Variants in DRG1 observed in about 807,000 individuals in gnomAD.
DRG1 encodes the protein developmentally-regulated GTP-binding protein 1.
Under a neutral mutation model 38.8 loss-of-function variants are expected in DRG1, and 19 were observed. That is an observed-to-expected ratio of 0.49 (90% CI 0.34 to 0.72). DRG1 has a LOEUF of 0.72. Among genes scored for constraint, DRG1 ranks in the 30% least tolerant of loss-of-function variants. The probability of loss-of-function intolerance (pLI) is 0.01; values close to 1 mark genes in which losing one functional copy is unlikely to be tolerated. For missense variants in DRG1, 299 were observed against 444.8 expected, an observed-to-expected ratio of 0.67 and a Z score of 2.95; for synonymous variants, 167 against 157.5, an observed-to-expected ratio of 1.06 and a Z score of -0.45.
chr22:31,407,406 G>T lies in DRG1; in HGVS notation c.343-3606G>T, dbSNP rs1008613111. ...ATGCAGTGGCACGGGTACGATCATG[G>T]CTCACTGCAGCCTCGACCTCCTGGG... is the stretch of plus-strand genomic sequence containing the variant. On this transcript the variant is annotated intron_variant, in intron 3 of 8. Coordinates refer to ENST00000331457, the MANE Select transcript of DRG1 (RefSeq NM_004147.4). Among the ~76,000 whole-genome samples the T allele has an allele frequency of 3.9e-5, 6 of 152,120 alleles. No individual in the cohort carries two copies. In the East Asian group the frequency reaches 1.2e-3, roughly 29 times the overall value.
At chr22:31,406,493 G>A (rs2145859559) in intron 3 of DRG1, among the ~76,000 whole-genome samples, 1 of 151,290 alleles carries the variant, frequency 6.6e-6, no homozygotes, top group East Asian at 1.9e-4. Flanking sequence ...AACTTTTTGA[G>A]CTTGGCCAAC....
chr22:31,414,870 C>T (rs2050035926), intron 4 of DRG1, among the ~76,000 whole-genome samples: 1 of 151,400 alleles, frequency 6.6e-6, no homozygotes, highest in African/African-American at 2.4e-5. Flanking sequence ...GCCTCAATTT[C>T]CTGGGATCAG....
rs189206841 is a variant in DRG1 at position 31,423,274 on chromosome 22, T to C, written c.583-6T>C. ...TGCTGACTAGTCATCTGCTATTCCC[T>C]TTCAGTGCCCCCAGAGTGAGCTGGA... On this transcript the variant is annotated splice_region_variant and splice_polypyrimidine_tract_variant and intron_variant, in intron 5 of 8. Transcript: ENST00000331457. 337 of 1,613,820 alleles carry C rather than the reference T, an allele frequency of 2.1e-4. 1 individual carries two copies. The African/African-American group carries it at 3.7e-3, about 18-fold the overall frequency.
At chr22:31,431,555 C>T (rs111902389) in intron 8 of DRG1, among the ~76,000 whole-genome samples, 160 of 152,178 alleles carry the variant, frequency 1.1e-3, no homozygotes, top group Non-Finnish European at 1.5e-3. Flanking sequence ...GTCCCAGCTA[C>T]TCAGGAGGCA....
At chr22:31,430,308 CCTCA>C (rs1426238862) in intron 8 of DRG1, among the ~76,000 whole-genome samples, 1 of 152,144 alleles carries the variant, frequency 6.6e-6, no homozygotes, top group Non-Finnish European at 1.5e-5. Context: ...TCTTATCCTT[CCTCA>C]CTATCCATCA....
intron 2 of DRG1, among the ~76,000 whole-genome samples, chr22:31,400,954 A>G (rs1053819738): frequency 6.6e-6 from 1 of 151,574 alleles, no homozygotes; most frequent in Non-Finnish European, 1.5e-5. Flanking sequence ...AAAAAAAAAA[A>G]AAAGTTTTTT....
At chr22:31,402,053 GAAAA>G (rs549638659) in intron 2 of DRG1, among the ~76,000 whole-genome samples, 1 of 148,834 alleles carries the variant, frequency 6.7e-6, no homozygotes, top group African/African-American at 2.5e-5. Context: ...TCTGTCTCAA[GAAAA>G]AAAAAGAAAA....
chr22:31,414,338 G>A (rs2050033230), intron 4 of DRG1, among the ~76,000 whole-genome samples: 1 of 152,044 alleles, frequency 6.6e-6, no homozygotes, highest in Non-Finnish European at 1.5e-5. Context: ...CAAAGTTAAC[G>A]TGTAAGATTA....
chr22:31,403,510 A>C (rs2049973794), intron 3 of DRG1, among the ~76,000 whole-genome samples: 1 of 152,020 alleles, frequency 6.6e-6, no homozygotes, highest in African/African-American at 2.4e-5. Flanking sequence ...TCTACTAAAA[A>C]TACAAAATTA....
At chr22:31,425,233 G>A (rs1399899745) in intron 6 of DRG1, among the ~76,000 whole-genome samples, 3 of 151,676 alleles carry the variant, frequency 2.0e-5, no homozygotes, top group South Asian at 4.2e-4. Flanking sequence ...GAAATTCTCC[G>A]TTTCAGTTAC....
At chr22:31,405,685 G>C (rs1017208115) in intron 3 of DRG1, among the ~76,000 whole-genome samples, 7 of 150,704 alleles carry the variant, frequency 4.6e-5, no homozygotes, top group East Asian at 2.0e-4. Flanking sequence ...GTGTGTGGGG[G>C]GGTTTATTTA....
intron 3 of DRG1, 36 bp from the exon 4 acceptor site, chr22:31,410,976 T>C (rs771375127): frequency 1.2e-6 from 2 of 1,606,356 alleles, no homozygotes; most frequent in Non-Finnish European, 8.5e-7. Context: ...AACCAGTTTT[T>C]TCTTTCATCC....
rs763438945 is a variant in DRG1, at chr22:31,426,775, G to A, written c.874G>A (p.Val292Met). 6.2e-7 allele frequency: 1 copy of A among 1,614,014 alleles called. No homozygotes were observed. Among genetic ancestry groups the A allele is most frequent in the Non-Finnish European group, 8.5e-7 (1 of 1,179,946 alleles). Residue 292 changes from valine (V) to methionine (M), a missense_variant, in exon 7 of 9, where the codon GTG becomes ATG. By Grantham distance (21) the Val-to-Met change is conservative. Coordinates refer to ENST00000331457, the MANE Select transcript of DRG1 (RefSeq NM_004147.4). ...LEKIWDYLKL[V>M]RIYTKPKGQL... ...AAAGATCTGGGACTATCTGAAACTA[G>A]TGAGAATGTAAGTCTTTGTGGATAG...
At chr22:31,402,567 G>A (rs1601523498) in intron 2 of DRG1, among the ~76,000 whole-genome samples, 2 of 138,038 alleles carry the variant, frequency 1.4e-5, no homozygotes, top group African/African-American at 5.4e-5. Flanking sequence ...GGAGTACAGT[G>A]GTGTGATCAC....
chr22:31,399,693 A>G lies in DRG1; in HGVS notation c.10A>G (p.Thr4Ala). ...CAGGGTACTCGCCACGATGAGCAGC[A>G]CCTTAGCTAAGATCGCGGAGATAGA... MSS[T>A]LAKIAEIEAE... The change falls in exon 1 of 9, where the codon ACC becomes GCC. Residue 4 changes from threonine (T) to alanine (A), a missense_variant. Thr to Ala is a moderately conservative substitution (Grantham distance 58). Coordinates refer to ENST00000331457, the MANE Select transcript of DRG1 (RefSeq NM_004147.4). 8.7e-6 allele frequency: 14 copies of G among 1,614,012 alleles called. No individual in the cohort carries two copies. The highest frequency in any genetic ancestry group is 1.2e-5 in the Non-Finnish European group (14 of 1,179,888).
At chr22:31,431,651 G>A (rs1038159293) in intron 8 of DRG1, among the ~76,000 whole-genome samples, 1 of 152,092 alleles carries the variant, frequency 6.6e-6, no homozygotes. Flanking sequence ...CCTGGGCAGC[G>A]GACTGAGACC....
intron 4 of DRG1, among the ~76,000 whole-genome samples, chr22:31,415,910 G>T (rs1351129794): frequency 6.6e-6 from 1 of 151,384 alleles, no homozygotes; most frequent in Non-Finnish European, 1.5e-5. Flanking sequence ...CACCTATATT[G>T]TCACTTCCTT....
intron 8 of DRG1, among the ~76,000 whole-genome samples, chr22:31,428,085 C>T (rs189736027): frequency 2.2e-4 from 34 of 152,238 alleles, no homozygotes; most frequent in African/African-American, 5.3e-4. Flanking sequence ...TTCCTGAGCT[C>T]GAGCAATTCA....
chr22:31,428,306 G>A (rs933926225), intron 8 of DRG1, among the ~76,000 whole-genome samples: 1 of 151,926 alleles, frequency 6.6e-6, no homozygotes, highest in South Asian at 2.1e-4. Flanking sequence ...CTGCCTCCAG[G>A]GTTCATGCCA....
Sources: allele counts gnomAD v4.1 joint callset (sites outside exome capture counted in the v4.1 genomes callset), GRCh38; gene constraint gnomAD v4.1.1; transcripts MANE v1.5; gene names NCBI Gene and HGNC (gene_info 2026-07-23, HGNC 2026-07-21).